ZFAT: variants seen among roughly 807,000 people sequenced by gnomAD.
ZFAT encodes zinc finger and AT-hook domain containing, also known as zinc finger protein ZFAT.
Under a neutral mutation model 117.7 loss-of-function variants are expected in ZFAT, and 64 were observed. The ratio of observed to expected loss-of-function variants is 0.54; its 90% CI spans 0.44 to 0.67. ZFAT has a LOEUF of 0.67. Ranked by LOEUF, ZFAT falls within the 30% of genes least tolerant of loss-of-function variation. The pLI, the probability that ZFAT is intolerant of heterozygous loss-of-function variation, is 0.00. For synonymous variants in ZFAT, 679 were observed against 615.0 expected (o/e 1.10, Z -1.54); for missense variants, 1,433 against 1,584.5 (o/e 0.90, Z 1.62).
intron 11 of ZFAT, among the ~76,000 whole-genome samples, chr8:134,546,694 G>A (rs1304649776): frequency 6.6e-6 from 1 of 152,208 alleles, no homozygotes; most frequent in Non-Finnish European, 1.5e-5. Flanking sequence ...TCTGTGGCCT[G>A]TGACACTTCT....
the ZFAT span, among the ~76,000 whole-genome samples, chr8:134,732,095 C>T: frequency 6.6e-6 from 1 of 152,204 alleles, no homozygotes; most frequent in Non-Finnish European, 1.5e-5. Flanking sequence ...ATGGCATTTC[C>T]TACATGAGCA....
the ZFAT span, among the ~76,000 whole-genome samples, chr8:134,808,162 CCT>C: frequency 6.6e-6 from 1 of 152,138 alleles, no homozygotes; most frequent in Non-Finnish European, 1.5e-5. Context: ...TTGTGGTTTC[CCT>C]GACATGCACA....
the ZFAT span, among the ~76,000 whole-genome samples, chr8:134,819,995 T>A: frequency 6.6e-6 from 1 of 152,190 alleles, no homozygotes; most frequent in Non-Finnish European, 1.5e-5. Context: ...AAAATTCACA[T>A]AGAATCTAGG....
chr8:134,538,360 G>A lies in ZFAT; in HGVS notation c.2977-5388C>T, dbSNP rs371825053. ...GACCTGGCAACCAGGGGGTGGCGCCGGTGACCTACCAAGAAGAGGTTCAGC... is the reference window on the plus strand; with the variant it reads ...GACCTGGCAACCAGGGGGTGGCGCCAGTGACCTACCAAGAAGAGGTTCAGC... On this transcript the variant is annotated intron_variant, in intron 11 of 15. Coordinates refer to ENST00000377838, the MANE Select transcript of ZFAT (RefSeq NM_020863.4). Among the ~76,000 whole-genome samples, 109 of 152,208 alleles carry A rather than the reference G, an allele frequency of 7.2e-4. 1 individual carries two copies. Among genetic ancestry groups the A allele is most frequent in the African/African-American group, 2.4e-3 (101 of 41,510 alleles).
chr8:134,787,769 A>G, the ZFAT span, among the ~76,000 whole-genome samples: 1 of 152,044 alleles, frequency 6.6e-6, no homozygotes, highest in Admixed American at 6.6e-5. Context: ...TTGACTTCCA[A>G]GTCATGAACA....
At chr8:134,661,790 G>A (rs927316447) in intron 1 of ZFAT, among the ~76,000 whole-genome samples, 2 of 152,200 alleles carry the variant, frequency 1.3e-5, no homozygotes, top group Non-Finnish European at 2.9e-5. Flanking sequence ...AAGGGAGCAA[G>A]GACAGGTCTG....
chr8:134,702,022 A>C (rs114126105), intron 1 of ZFAT, among the ~76,000 whole-genome samples: 3 of 152,178 alleles, frequency 2.0e-5, no homozygotes, highest in Non-Finnish European at 4.4e-5. Flanking sequence ...TGGCTTTATA[A>C]GAAGAGGAAA....
At chr8:134,725,206 T>C in the ZFAT span, among the ~76,000 whole-genome samples, 6 of 152,184 alleles carry the variant, frequency 3.9e-5, no homozygotes, top group Non-Finnish European at 8.8e-5. Flanking sequence ...GTTTAACTAC[T>C]TTCTCCCTCA....
At chr8:134,711,757 C>A (rs1814007951) in intron 1 of ZFAT, among the ~76,000 whole-genome samples, 1 of 152,232 alleles carries the variant, frequency 6.6e-6, no homozygotes, top group Admixed American at 6.5e-5. Context: ...CAGGTGGAGG[C>A]AGGACTACGA....
chr8:134,781,951 T>C, the ZFAT span, among the ~76,000 whole-genome samples: 1 of 152,208 alleles, frequency 6.6e-6, no homozygotes, highest in Non-Finnish European at 1.5e-5. Flanking sequence ...GACTATTTGT[T>C]ATCAGTAAGG....
chr8:134,806,126 A>G, the ZFAT span, among the ~76,000 whole-genome samples: 2 of 152,362 alleles, frequency 1.3e-5, no homozygotes, highest in South Asian at 4.1e-4. Context: ...ATGAGCATGC[A>G]TATGTACACA....
the ZFAT span, among the ~76,000 whole-genome samples, chr8:134,720,047 G>T: frequency 6.6e-6 from 1 of 152,242 alleles, no homozygotes; most frequent in Non-Finnish European, 1.5e-5. Flanking sequence ...TGGGTCTTTG[G>T]AACGCCGCCT....
intron 1 of ZFAT, among the ~76,000 whole-genome samples, chr8:134,679,118 C>T (rs1832941458): frequency 6.6e-6 from 1 of 152,128 alleles, no homozygotes; most frequent in Non-Finnish European, 1.5e-5. Context: ...ACCTTCTGCA[C>T]AGCAAAAGAA....
chr8:134,610,417 G>A (rs534288134), intron 4 of ZFAT, 53 bp downstream of exon 4: 2 of 1,555,228 alleles, frequency 1.3e-6, no homozygotes, highest in South Asian at 2.5e-5. Context: ...GGCTGCCCTT[G>A]GCACAGACTT....
chr8:134,825,642 G>A, the ZFAT span, among the ~76,000 whole-genome samples: 34 of 151,808 alleles, frequency 2.2e-4, no homozygotes, highest in Non-Finnish European at 4.4e-4. Context: ...AAAAAGGAGT[G>A]AGAGAAGCAT....
chr8:134,648,282 A>G (rs1831016123), intron 2 of ZFAT, among the ~76,000 whole-genome samples: 1 of 151,878 alleles, frequency 6.6e-6, no homozygotes, highest in Admixed American at 6.6e-5. Flanking sequence ...GAAGCAAGCT[A>G]AATCCAATAC....
chr8:134,741,769 A>C, the ZFAT span, among the ~76,000 whole-genome samples: 1 of 151,916 alleles, frequency 6.6e-6, no homozygotes, highest in East Asian at 1.9e-4. Flanking sequence ...AACACACCCA[A>C]ATCTCACTCA....
chr8:134,713,656 T>G (rs911095556), upstream of ZFAT, among the ~76,000 whole-genome samples: 1 of 152,096 alleles, frequency 6.6e-6, no homozygotes, highest in Non-Finnish European at 1.5e-5. Flanking sequence ...CTCATTCATT[T>G]CTCTGCTTGT....
intron 12 of ZFAT, among the ~76,000 whole-genome samples, chr8:134,527,097 G>A (rs1821079297): frequency 6.6e-6 from 1 of 152,118 alleles, no homozygotes; most frequent in Non-Finnish European, 1.5e-5. Context: ...GCAGGAGAGG[G>A]CACAGAGATG....
Sources: allele counts gnomAD v4.1 joint callset (sites outside exome capture counted in the v4.1 genomes callset), GRCh38; gene constraint gnomAD v4.1.1; transcripts MANE v1.5; gene names NCBI Gene and HGNC (gene_info 2026-07-23, HGNC 2026-07-21).